FAM89A: variants seen among roughly 807,000 people sequenced by gnomAD.
FAM89A encodes protein FAM89A.
A neutral mutation model predicts 7.1 loss-of-function variants in FAM89A; 10 were observed. The observed-to-expected ratio is 1.40, with a 90% CI of 0.86 to 2.38. The LOEUF (loss-of-function observed/expected upper bound fraction) is 2.38, where lower values mean the gene tolerates loss of function less well. FAM89A is among the 30% of genes most tolerant of loss of function. FAM89A has a pLI of 0.00. For missense variants in FAM89A, 276 were observed against 262.8 expected (o/e 1.05, Z -0.35); for synonymous variants, 157 against 129.3 (o/e 1.21, Z -1.45).
At chr1:231,029,067 A>C (rs1482798737) in intron 1 of FAM89A, among the ~76,000 whole-genome samples, 3 of 152,214 alleles carry the variant, frequency 2.0e-5, no homozygotes, top group Non-Finnish European at 4.4e-5. Flanking sequence ...TCCTAACTTA[A>C]AGCAAGGACA....
intron 1 of FAM89A, among the ~76,000 whole-genome samples, chr1:231,035,334 T>G (rs1271153843): frequency 4.6e-5 from 7 of 152,188 alleles, no homozygotes; most frequent in African/African-American, 1.4e-4. Context: ...GTGGATGACT[T>G]CCCACTCTGC....
At position 231,037,561 on chromosome 1, in the gene FAM89A, A is replaced by G. The variant is rs949053112; in HGVS notation, c.291+2360T>C. Among the ~76,000 whole-genome samples, 6 of 152,256 alleles carry G rather than the reference A, an allele frequency of 3.9e-5. No individual in the cohort carries two copies. In the East Asian group the frequency reaches 9.7e-4, roughly 24 times the overall value. On this transcript the variant is annotated intron_variant, in intron 1 of 1. Coordinates refer to ENST00000366654, the MANE Select transcript of FAM89A (RefSeq NM_198552.3). ...CCTCTCATCTTCCTGTTGAGCCTCCAAAGTCCAGCTCTCCCTTCTGCACCC... is the reference window on the plus strand; with the variant it reads ...CCTCTCATCTTCCTGTTGAGCCTCCGAAGTCCAGCTCTCCCTTCTGCACCC...
chr1:231,033,327 C>A (rs1169243759), intron 1 of FAM89A, among the ~76,000 whole-genome samples: 1 of 152,212 alleles, frequency 6.6e-6, no homozygotes, highest in Non-Finnish European at 1.5e-5. Context: ...GTTTCCTCCA[C>A]AGCATTATGA....
In FAM89A at chr1:231,025,047, C is replaced by T. The variant is rs368408354; in HGVS notation, c.292-4921G>A. 7.9e-5 allele frequency among the ~76,000 whole-genome samples: 12 copies of T among 151,710 alleles called. No individual in the cohort carries two copies. In the East Asian group the frequency reaches 1.4e-3, roughly 17 times the overall value. ...ACCCCATTCTCCTGCCTCAGCCTCCCGAGTAGCTGGGACTACAGGCGCTCG... is the reference window on the plus strand; with the variant it reads ...ACCCCATTCTCCTGCCTCAGCCTCCTGAGTAGCTGGGACTACAGGCGCTCG... On this transcript the variant is annotated intron_variant, in intron 1 of 1. Coordinates refer to ENST00000366654, the MANE Select transcript of FAM89A (RefSeq NM_198552.3).
intron 1 of FAM89A, among the ~76,000 whole-genome samples, chr1:231,039,707 T>C (rs2103078930): frequency 6.6e-6 from 1 of 152,130 alleles, no homozygotes; most frequent in Admixed American, 6.5e-5. Flanking sequence ...AGCCGCCCTC[T>C]GCGCGCGGGG....
chr1:231,033,673 T>A (rs914189668), intron 1 of FAM89A, among the ~76,000 whole-genome samples: 2 of 152,188 alleles, frequency 1.3e-5, no homozygotes, highest in Non-Finnish European at 2.9e-5. Context: ...GAACAGATGC[T>A]TACCTTTAAA....
chr1:231,028,553 G>A (rs1326713318), intron 1 of FAM89A: 7 of 152,196 alleles, frequency 4.6e-5, no homozygotes, highest in Admixed American at 3.9e-4. Context: ...GCATGCCCTT[G>A]GAGGACGGCT....
chr1:231,032,965 C>G (rs1482849908), intron 1 of FAM89A, among the ~76,000 whole-genome samples: 3 of 152,214 alleles, frequency 2.0e-5, no homozygotes, highest in Non-Finnish European at 4.4e-5. Context: ...GCTGTCGGGG[C>G]CAATCAAGGA....
chr1:231,030,447 AT>A (rs1167725761), intron 1 of FAM89A, among the ~76,000 whole-genome samples: 1 of 152,230 alleles, frequency 6.6e-6, no homozygotes, highest in Non-Finnish European at 1.5e-5. Flanking sequence ...CAATTTAACA[AT>A]TCTCAGAAGG....
intron 1 of FAM89A, among the ~76,000 whole-genome samples, chr1:231,027,402 G>A (rs554473195): frequency 1.3e-5 from 2 of 152,176 alleles, no homozygotes; most frequent in South Asian, 2.1e-4. Flanking sequence ...TACACAACCC[G>A]ACACATGGCA....
At chr1:231,021,771 T>C in intron 1 of FAM89A, 1 of 1,602,884 alleles carries the variant, frequency 6.2e-7, no homozygotes, top group Non-Finnish European at 8.5e-7. Context: ...TGTGAATCTT[T>C]AGAGCCTGTG....
intron 1 of FAM89A, among the ~76,000 whole-genome samples, chr1:231,021,076 G>A (rs989627286): frequency 1.3e-5 from 2 of 152,194 alleles, no homozygotes; most frequent in Non-Finnish European, 2.9e-5. Flanking sequence ...TGGGTCTGGG[G>A]CCACTGGATG....
At chr1:231,036,566 G>A (rs1572358771) in intron 1 of FAM89A, among the ~76,000 whole-genome samples, 1 of 152,126 alleles carries the variant, frequency 6.6e-6, no homozygotes, top group East Asian at 1.9e-4. Flanking sequence ...GGGGTTACTA[G>A]AACAGGAAGT....
chr1:231,038,925 C>T (rs7552421), intron 1 of FAM89A, among the ~76,000 whole-genome samples: 23,991 of 152,082 alleles, frequency 0.16, 2,414 homozygotes, highest in African/African-American at 0.29. Context: ...GATTTCTTAA[C>T]AATTTACCTA....
In FAM89A at chr1:231,020,048, C is replaced by T. The variant is rs1558253161; in HGVS notation, c.370G>A (p.Ala124Thr). ...TCTGGGCTGGAGGCTGCCTGGCATG[C>T]CCCCTTGTACTCCTGAATCGACTCG... Reference protein sequence around the residue: ...LYESIQEYKGACQAASSPDCT... With the variant: ...LYESIQEYKGTCQAASSPDCT... Residue 124 changes from alanine (A) to threonine (T), a missense_variant, in exon 2 of 2, where the codon GCA (alanine) becomes ACA (threonine). Coordinates refer to ENST00000366654, the MANE Select transcript of FAM89A (RefSeq NM_198552.3). 1.2e-6 allele frequency: 2 copies of T among 1,614,048 alleles called. No individual in the cohort carries two copies. Among genetic ancestry groups the T allele is most frequent in the African/African-American group, 1.3e-5 (1 of 75,038 alleles).
rs115534441 is a variant in FAM89A at position 231,022,049 on chromosome 1, C to T, written c.292-1923G>A. 2.1e-4 allele frequency: 301 copies of T among 1,415,250 alleles called. 1 individual carries two copies. In the African/African-American group the frequency reaches 3.7e-3, roughly 18 times the overall value. 87.7% of individuals were successfully genotyped at this position (1,415,250 alleles called of 1,614,324 possible). On this transcript the variant is annotated intron_variant, in intron 1 of 1. Transcript: ENST00000366654. ...ATATTCAGAGATCGTGCAGAATAGACGTCTCATCGTTTCCACAGAATGTGG... is the reference window on the plus strand; with the variant it reads ...ATATTCAGAGATCGTGCAGAATAGATGTCTCATCGTTTCCACAGAATGTGG...
At chr1:231,021,665 C>T (rs1265326305) in intron 1 of FAM89A, 51 of 1,567,014 alleles carry the variant, frequency 3.3e-5, no homozygotes, top group Admixed American at 6.7e-5. Context: ...AGCCCAGAAG[C>T]GAACACGGGA....
chr1:231,031,938 G>C (rs1003923197), intron 1 of FAM89A, among the ~76,000 whole-genome samples: 1 of 152,156 alleles, frequency 6.6e-6, no homozygotes, highest in Non-Finnish European at 1.5e-5. Flanking sequence ...GAAATTGTGG[G>C]GGACAAGGAG....
At chr1:231,022,057 C>A in intron 1 of FAM89A, 1 of 1,418,688 alleles carries the variant, frequency 7.0e-7, no homozygotes. Flanking sequence ...GACGTCTCAT[C>A]GTTTCCACAG....
Sources: allele counts gnomAD v4.1 joint callset (sites outside exome capture counted in the v4.1 genomes callset), GRCh38; gene constraint gnomAD v4.1.1; transcripts MANE v1.5; gene names NCBI Gene and HGNC (gene_info 2026-07-23, HGNC 2026-07-21).